DPYSL2: variants seen among roughly 807,000 people sequenced by gnomAD.
DPYSL2 encodes dihydropyrimidinase-related protein 2.
Under a neutral mutation model 69.9 loss-of-function variants are expected in DPYSL2, and 13 were observed. The ratio of observed to expected loss-of-function variants is 0.19; its 90% CI spans 0.12 to 0.30. DPYSL2 has a LOEUF of 0.30. Ranked by LOEUF, DPYSL2 falls within the 10% of genes least tolerant of loss-of-function variation. The probability of loss-of-function intolerance (pLI) is 1.00; values close to 1 mark genes in which losing one functional copy is unlikely to be tolerated. For synonymous variants in DPYSL2, 326 were observed against 359.1 expected (o/e 0.91, Z 1.04); for missense variants, 587 against 918.9 (o/e 0.64, Z 4.67).
Position 26,514,778 on chromosome 8 carries a change from G to A in DPYSL2, c.354+99G>A, listed in dbSNP as rs1808247489. On this transcript the variant is annotated intron_variant, in intron 1 of 13. Transcript: ENST00000521913. This position sits in a 1 kb window ranked among gnomAD's most constrained non-coding sequence, Gnocchi z 8.4. ...CGCGCCCGCCTTCATGCCCCGCCCTGGACCTCGCCTCCCGCATCTGCACGC... is the reference window on the plus strand; with the variant it reads ...CGCGCCCGCCTTCATGCCCCGCCCTAGACCTCGCCTCCCGCATCTGCACGC... 3 of 1,089,118 alleles carry A rather than the reference G, an allele frequency of 2.8e-6. No homozygotes were observed. Among genetic ancestry groups the A allele is most frequent in the Non-Finnish European group, 3.7e-6 (3 of 819,064 alleles). The allele number at this position is 1,089,118 out of a possible 1,614,324, so 67.5% of individuals were successfully genotyped here.
rs1382944183 is a variant in DPYSL2 at position 26,583,868 on chromosome 8, C to T, written c.513C>T (p.Ile171=). ...TCGAGGCCCACTCCCGGATGGTGAT[C>T]CCCGGAGGAATTGACGTCCACACTC... The part of the protein sequence containing the change: ...KTIEAHSRMV[I]PGGIDVHTRF... The change falls in exon 3 of 14, where the codon ATC becomes ATT. Residue 171 remains isoleucine (I), a synonymous_variant. Coordinates refer to ENST00000521913, the MANE Select transcript of DPYSL2 (RefSeq NM_001197293.3). The T allele has an allele frequency of 8.1e-6, 13 of 1,614,130 alleles. No homozygotes were observed. Among genetic ancestry groups the T allele is most frequent in the Non-Finnish European group, 1.1e-5 (13 of 1,180,006 alleles).
chr8:26,635,222 G>T (rs1407679138), intron 8 of DPYSL2, among the ~76,000 whole-genome samples: 1 of 152,198 alleles, frequency 6.6e-6, no homozygotes, highest in African/African-American at 2.4e-5. Flanking sequence ...CACAGATTAC[G>T]TCAGTTTCCA....
chr8:26,577,825 T>A, intron 1 of DPYSL2: 1 of 1,001,328 alleles, frequency 1.0e-6, no homozygotes, highest in Non-Finnish European at 1.2e-6. Flanking sequence ...TAAATTTGCA[T>A]ATCCCAGGAT....
At chr8:26,578,430 G>T in intron 1 of DPYSL2, 1 of 1,529,888 alleles carries the variant, frequency 6.5e-7, no homozygotes, top group South Asian at 1.3e-5. Flanking sequence ...CGGAGGCGAT[G>T]GTGATGGTGG....
At chr8:26,573,204 A>C (rs1801267883) in intron 1 of DPYSL2, among the ~76,000 whole-genome samples, 1 of 152,140 alleles carries the variant, frequency 6.6e-6, no homozygotes, top group Admixed American at 6.5e-5. Flanking sequence ...GGAGAAGGGG[A>C]GGCTGCCAAG....
chr8:26,549,772 T>G (rs1323428117), intron 1 of DPYSL2, among the ~76,000 whole-genome samples: 1 of 152,224 alleles, frequency 6.6e-6, no homozygotes, highest in Non-Finnish European at 1.5e-5. Flanking sequence ...AAAGATTTCG[T>G]GCTGAAAGAA....
rs974354265 is a variant in DPYSL2, at chr8:26,514,178, C to A, written c.-148C>A. ...CCGGGAGGGTGGGTCGCCGGCTCGCCAGCCCTCCTTCCTTTCTGTGCACCT... is the reference window on the plus strand; with the variant it reads ...CCGGGAGGGTGGGTCGCCGGCTCGCAAGCCCTCCTTCCTTTCTGTGCACCT... On this transcript the variant is annotated 5_prime_UTR_variant, in exon 1 of 14. Transcript: ENST00000521913. This position sits in a 1 kb window ranked among gnomAD's most constrained non-coding sequence, Gnocchi z 8.4. 21 of 633,702 alleles carry A rather than the reference C, an allele frequency of 3.3e-5. No individual in the cohort carries two copies. Among genetic ancestry groups the A allele is most frequent in the Non-Finnish European group, 4.5e-5 (19 of 426,944 alleles). 39.3% of individuals were successfully genotyped at this position (633,702 alleles called of 1,614,324 possible).
intron 3 of DPYSL2, among the ~76,000 whole-genome samples, chr8:26,589,580 C>T (rs983985901): frequency 6.6e-6 from 1 of 152,236 alleles, no homozygotes; most frequent in Non-Finnish European, 1.5e-5. Flanking sequence ...ACTGTGTTCA[C>T]CCTGATGGAA....
At position 26,517,137 on chromosome 8, in the gene DPYSL2, A is replaced by G. The variant is rs1300006012; in HGVS notation, c.354+2458A>G. ...ACCATCCCTCCTCTCTTGCAGCTTTATTTATGTGTTACTAATGTATGGTCA... is the reference window on the plus strand; with the variant it reads ...ACCATCCCTCCTCTCTTGCAGCTTTGTTTATGTGTTACTAATGTATGGTCA... On this transcript the variant is annotated intron_variant, in intron 1 of 13. Transcript: ENST00000521913. This position sits in a 1 kb window ranked among gnomAD's most constrained non-coding sequence, Gnocchi z 4.2. Among the ~76,000 whole-genome samples the G allele has an allele frequency of 6.6e-6, 1 of 152,056 alleles. No homozygotes were observed. The highest frequency in any genetic ancestry group is 6.6e-5 in the Admixed American group (1 of 15,262).
intron 7 of DPYSL2, among the ~76,000 whole-genome samples, chr8:26,633,130 A>G (rs1802817982): frequency 6.6e-6 from 1 of 152,248 alleles, no homozygotes. Context: ...AATACCATGA[A>G]CATAAAATGA....
rs768675508 is a variant in DPYSL2, at chr8:26,627,760, C to T, written c.937-112C>T. 2.2e-4 allele frequency: 230 copies of T among 1,050,644 alleles called. No individual in the cohort carries two copies. The highest frequency in any genetic ancestry group is 1.7e-4 in the Non-Finnish European group (123 of 705,866). The allele number at this position is 1,050,644 out of a possible 1,614,324, so 65.1% of individuals were successfully genotyped here. On this transcript the variant is annotated intron_variant, in intron 6 of 13. Transcript: ENST00000521913. This position sits in a 1 kb window ranked among gnomAD's most constrained non-coding sequence, Gnocchi z 6.9. ...GGTCTTGGGATGAGGGCAGAACGAT[C>T]GGCAGTGGTAATTTTCCATCTTGCC...
chr8:26,601,417 C>T (rs1281272111), intron 3 of DPYSL2, among the ~76,000 whole-genome samples: 1 of 151,150 alleles, frequency 6.6e-6, no homozygotes, highest in Non-Finnish European at 1.5e-5. Context: ...TCGCTCTGTC[C>T]CCCAGGCTGG....
In DPYSL2 at chr8:26,533,344, G is replaced by C. The variant is rs1054107668; in HGVS notation, c.354+18665G>C. 7.9e-5 allele frequency among the ~76,000 whole-genome samples: 12 copies of C among 152,038 alleles called. No individual in the cohort carries two copies. The highest frequency in any genetic ancestry group is 1.5e-5 in the Non-Finnish European group (1 of 68,022). On this transcript the variant is annotated intron_variant, in intron 1 of 13. Transcript: ENST00000521913. This position sits in a 1 kb window ranked among gnomAD's most constrained non-coding sequence, Gnocchi z 4.8. Reference sequence around the variant, plus strand: ...TTTTCACTTTCCTGATAGTGTCCTTGACGTATGAATGCTTTTAATTTTGAC... The same window carrying C: ...TTTTCACTTTCCTGATAGTGTCCTTCACGTATGAATGCTTTTAATTTTGAC...
intron 8 of DPYSL2, among the ~76,000 whole-genome samples, chr8:26,636,702 AC>A (rs1350411372): frequency 7.4e-5 from 11 of 149,608 alleles, no homozygotes; most frequent in Non-Finnish European, 1.6e-4. Context: ...TATTACCCCA[AC>A]TCAGTGCCTG....
Position 26,644,530 on chromosome 8 carries a change from C to T in DPYSL2, c.1425+439C>T, listed in dbSNP as rs552628577. Among the ~76,000 whole-genome samples the T allele has an allele frequency of 2.0e-4, 30 of 151,910 alleles. No homozygotes were observed. Among genetic ancestry groups the T allele is most frequent in the African/African-American group, 6.5e-4 (27 of 41,430 alleles). On this transcript the variant is annotated intron_variant, in intron 10 of 13. Coordinates refer to ENST00000521913, the MANE Select transcript of DPYSL2 (RefSeq NM_001197293.3). This position sits in a 1 kb window ranked among gnomAD's most constrained non-coding sequence, Gnocchi z 4.5. ...CTCACTATGTTGCCCAGGCTGGTCT[C>T]GAGTTCCCGGGTTTAAGCAATGCCT...
intron 3 of DPYSL2, among the ~76,000 whole-genome samples, chr8:26,623,263 C>T (rs569357614): frequency 6.6e-6 from 1 of 152,138 alleles, no homozygotes; most frequent in African/African-American, 2.4e-5. Flanking sequence ...TAGGCCAGGG[C>T]CACACTGGTT....
chr8:26,608,914 G>T (rs1402188155), intron 3 of DPYSL2, among the ~76,000 whole-genome samples: 1 of 152,184 alleles, frequency 6.6e-6, no homozygotes, highest in East Asian at 1.9e-4. Flanking sequence ...ATTTGGAGGG[G>T]ATGCAAGAAT....
intron 8 of DPYSL2, among the ~76,000 whole-genome samples, chr8:26,639,082 A>T (rs1802984192): frequency 6.6e-6 from 1 of 152,204 alleles, no homozygotes; most frequent in South Asian, 2.1e-4. Context: ...TCAATTTGAG[A>T]TAAGACCTCT....
rs114984772 is a variant in DPYSL2, at chr8:26,605,047, G to A, written c.629-19096G>A. ...AGTATCTTTTATGTTTCTCAAAGGC[G>A]TTATGTTCTGCATTGTAAATGTGCG... On this transcript the variant is annotated intron_variant, in intron 3 of 13. Coordinates refer to ENST00000521913, the MANE Select transcript of DPYSL2 (RefSeq NM_001197293.3). This position sits in a 1 kb window ranked among gnomAD's most constrained non-coding sequence, Gnocchi z 4.1. Among the ~76,000 whole-genome samples the A allele has an allele frequency of 1.8e-3, 270 of 152,218 alleles. 1 individual carries two copies. Among genetic ancestry groups the A allele is most frequent in the African/African-American group, 5.7e-3 (236 of 41,538 alleles).
Sources: allele counts gnomAD v4.1 joint callset (sites outside exome capture counted in the v4.1 genomes callset), GRCh38; gene constraint gnomAD v4.1.1; non-coding constraint Gnocchi (gnomAD v3.1); transcripts MANE v1.5; gene names NCBI Gene and HGNC (gene_info 2026-07-23, HGNC 2026-07-21).